WAS: variants seen among roughly 807,000 people sequenced by gnomAD.
WAS encodes the protein WASP actin nucleation promoting factor, also known as actin nucleation-promoting factor WAS.
Under a neutral mutation model 38.9 loss-of-function variants are expected in WAS, and 1 was observed. The ratio of observed to expected loss-of-function variants is 0.03; its 90% CI spans 0.01 to 0.12. The LOEUF (loss-of-function observed/expected upper bound fraction) is 0.12, where lower values mean the gene tolerates loss of function less well. WAS is among the 10% of genes least tolerant of loss of function. The probability of loss-of-function intolerance (pLI) is 1.00; values close to 1 mark genes in which losing one functional copy is unlikely to be tolerated. For synonymous variants in WAS, 182 were observed against 173.6 expected, an observed-to-expected ratio of 1.05 and a Z score of -0.38; for missense variants, 311 against 431.2, an observed-to-expected ratio of 0.72 and a Z score of 2.47.
chrX:48,688,124 C>G, intron 8 of WAS, 28 bp downstream of exon 8: 2 of 1,193,356 alleles, frequency 1.7e-6, no homozygotes, highest in Non-Finnish European at 2.3e-6. Context: ...CTCTTGGACT[C>G]CACTAAACTT....
rs1557006476 is a variant in WAS, at chrX:48,685,574, C to G, written c.301C>G (p.Leu101Val). ...TGGTCGGCTGCTCTGGGAACAGGAG[C>G]TGTACTCACAGCTTGTCTACTCCAC... ...QAGRLLWEQE[L>V]YSQLVYSTPT... Residue 101 changes from leucine (L) to valine (V), a missense_variant, in exon 3 of 12, where the codon CTG (leucine) becomes GTG (valine). Transcript: ENST00000376701. 1 of 1,201,395 alleles carries G rather than the reference C, an allele frequency of 8.3e-7. No homozygotes were observed. The highest frequency in any genetic ancestry group is 3.0e-5 in the East Asian group (1 of 33,148).
At chrX:48,681,806 G>T (rs1385014649), upstream of WAS, among the ~76,000 whole-genome samples, 11 of 111,739 alleles carry the variant, frequency 9.8e-5, no homozygotes, top group African/African-American at 3.6e-4. Flanking sequence ...TGCAGAAGGG[G>T]TTCTGAACCT....
intron 11 of WAS, 101 bp downstream of exon 11, chrX:48,689,535 T>C: frequency 1.4e-6 from 1 of 691,987 alleles, no homozygotes. Flanking sequence ...CAGCCCCATC[T>C]GTTTGACAGC....
chrX:48,680,760 A>G (rs940603204), upstream of WAS, among the ~76,000 whole-genome samples: 1 of 111,902 alleles, frequency 8.9e-6, no homozygotes, highest in Non-Finnish European at 1.9e-5. Context: ...TTAGCATATA[A>G]TTAAGAAATA....
chrX:48,689,696 G>A, intron 11 of WAS: 2 of 334,251 alleles, frequency 6.0e-6, no homozygotes, highest in East Asian at 1.0e-4. Context: ...CACATGTTCA[G>A]TACTATTAAC....
upstream of WAS, among the ~76,000 whole-genome samples, chrX:48,679,460 T>G (rs912616507): frequency 8.9e-6 from 1 of 112,247 alleles, no homozygotes; most frequent in Non-Finnish European, 1.9e-5. Flanking sequence ...TAACGAAATA[T>G]CCACCTTTAA....
rs1440064330 is a variant in WAS at position 48,684,069 on chromosome X, G to GCTCCTCCTTTCCCT, written c.132+89_132+102dup. 1.7e-5 allele frequency: 19 copies of GCTCCTCCTTTCCCT among 1,118,489 alleles called. 1 individual carries two copies. The highest frequency in any genetic ancestry group is 2.3e-5 in the Admixed American group (1 of 43,160). 92.2% of individuals were successfully genotyped at this position (1,118,489 alleles called of 1,213,427 possible). On this transcript the variant is annotated intron_variant, in intron 1 of 11. Transcript: ENST00000376701. ...TCCTTCTCTCTCTTCCCCTCCTCCCGCTCCTCCTTTCCCTCTCCATCATCT... is the reference window on the plus strand; with the variant it reads ...TCCTTCTCTCTCTTCCCCTCCTCCCGCTCCTCCTTTCCCTCTCCTCCTTTCCCTCTCCATCATCT...
At chrX:48,681,924 G>A (rs1569493528), upstream of WAS, among the ~76,000 whole-genome samples, 3 of 111,785 alleles carry the variant, frequency 2.7e-5, no homozygotes, top group African/African-American at 9.8e-5. Context: ...TCAGGTACCT[G>A]GGAATGTCAG....
rs2147262772 is a variant in WAS, at chrX:48,684,299, T to A, written c.149T>A (p.Val50Asp). Residue 50 changes from valine (V) to aspartate (D), a missense_variant, in exon 2 of 12, where the codon GTT (valine) becomes GAT (aspartate). By Grantham distance (152) the Val-to-Asp change is radical (BLOSUM62 -3). Transcript: ENST00000376701. Reference sequence around the variant, plus strand: ...CTCTCCCAGACGCTGGCCACTGCAGTTGTTCAGCTGTACCTGGCGCTGCCC... The same window carrying A: ...CTCTCCCAGACGCTGGCCACTGCAGATGTTCAGCTGTACCTGGCGCTGCCC... Reference protein sequence around the residue: ...GRKCLTLATAVVQLYLALPPG... With the variant: ...GRKCLTLATADVQLYLALPPG... 1 of 1,211,696 alleles carries A rather than the reference T, an allele frequency of 8.3e-7. No individual in the cohort carries two copies. The highest frequency in any genetic ancestry group is 1.1e-6 in the Non-Finnish European group (1 of 895,485).
chrX:48,690,972 G>C, intron 11 of WAS, 135 bp from the exon 12 acceptor site: 1 of 555,828 alleles, frequency 1.8e-6, no homozygotes, highest in Non-Finnish European at 3.2e-6. Flanking sequence ...TCCCTTTCTT[G>C]TCCCAAATGG....
chrX:48,689,711 G>T, intron 11 of WAS: 1 of 232,985 alleles, frequency 4.3e-6, no homozygotes, highest in Non-Finnish European at 7.0e-6. Context: ...ATTAACATCA[G>T]CTGGCCGGCG....
In WAS at chrX:48,688,711, G is replaced by A. The variant is rs781910412; in HGVS notation, c.983G>A (p.Arg328Gln). ...TCTCGAGGAGGGAACCAGCTCCCCC[G>A]GCCCCCTATTGTGGGGGGTAACAAG... Reference protein sequence around the residue: ...PPSRGGNQLPRPPIVGGNKGR... With the variant: ...PPSRGGNQLPQPPIVGGNKGR... Residue 328 changes from arginine (R) to glutamine (Q), a missense_variant, in exon 10 of 12, where the codon CGG becomes CAG. Transcript: ENST00000376701. The A allele has an allele frequency of 3.4e-6, 4 of 1,177,553 alleles. No homozygotes were observed. The highest frequency in any genetic ancestry group is 4.7e-5 in the Admixed American group (2 of 42,717).
Position 48,685,600 on chromosome X carries a change from C to G in WAS, c.327C>G (p.Thr109=), listed in dbSNP as rs1288545461. 3 of 1,201,012 alleles carry G rather than the reference C, an allele frequency of 2.5e-6. No homozygotes were observed. In the East Asian group the frequency reaches 9.0e-5, roughly 36 times the overall value. ...TGTACTCACAGCTTGTCTACTCCAC[C>G]CCCACCCCCTTCTTCCACACCTTCG... The part of the protein sequence containing the change: ...QELYSQLVYS[T]PTPFFHTFAG... The change falls in exon 3 of 12, where the codon ACC becomes ACG. Residue 109 remains threonine, a synonymous_variant. Transcript: ENST00000376701.
intron 1 of WAS, 130 bp downstream of exon 1, chrX:48,684,115 C>T: frequency 9.2e-7 from 1 of 1,087,804 alleles, no homozygotes; most frequent in Non-Finnish European, 1.3e-6. Flanking sequence ...AATTTCCCGT[C>T]ATAATCCACC....
chrX:48,685,882 G>T (rs2062417817), intron 4 of WAS, 46 bp downstream of exon 4: 3 of 1,206,703 alleles, frequency 2.5e-6, no homozygotes, highest in Non-Finnish European at 2.2e-6. Flanking sequence ...AGAGGTGAGT[G>T]CAAGCCTGGG....
chrX:48,679,240 T>C (rs2062396424), upstream of WAS, among the ~76,000 whole-genome samples: 4 of 110,681 alleles, frequency 3.6e-5, no homozygotes, highest in Admixed American at 3.8e-4. Context: ...CCCAGGCTGG[T>C]CTCAAACTCC....
chrX:48,689,371 G>C lies in WAS; in HGVS notation c.1390G>C (p.Glu464Gln). ...GCTGCAGCCACCACCTCAGAGCTCA[G>C]AGGGACTGGTGGGGGCCCTGATGCA... ...SALQPPPQSS[E>Q]GLVGALMHVM... Residue 464 changes from glutamate to glutamine, a missense_variant, in exon 11 of 12, where the codon GAG becomes CAG. Transcript: ENST00000376701. The C allele has an allele frequency of 8.3e-7, 1 of 1,210,196 alleles. No individual in the cohort carries two copies. The highest frequency in any genetic ancestry group is 1.1e-6 in the Non-Finnish European group (1 of 894,975).
intron 11 of WAS, among the ~76,000 whole-genome samples, chrX:48,690,155 C>T (rs925320102): frequency 7.2e-5 from 8 of 111,302 alleles, no homozygotes; most frequent in African/African-American, 2.0e-4. Context: ...AACAGGGTCT[C>T]GCTCTGTGTC....
chrX:48,688,884 C>G lies in WAS; in HGVS notation c.1156C>G (p.Pro386Ala). ...TTCTGGACCACTGCCCCCTCCACCC[C>G]CTGGAGCTGGTGGGCCACCCATGCC... is the stretch of plus-strand genomic sequence containing the variant. ...GRSGPLPPPP[P>A]GAGGPPMPPP... is the part of the protein sequence containing the mutation. The change falls in exon 10 of 12, where the codon CCT becomes GCT. Residue 386 changes from proline to alanine, a missense_variant. Coordinates refer to ENST00000376701, the MANE Select transcript of WAS (RefSeq NM_000377.3). 1.7e-6 allele frequency: 2 copies of G among 1,167,318 alleles called. No individual in the cohort carries two copies. Among genetic ancestry groups the G allele is most frequent in the Non-Finnish European group, 2.3e-6 (2 of 873,027 alleles).
Sources: allele counts gnomAD v4.1 joint callset (sites outside exome capture counted in the v4.1 genomes callset), GRCh38; gene constraint gnomAD v4.1.1; transcripts MANE v1.5; gene names NCBI Gene and HGNC (gene_info 2026-07-23, HGNC 2026-07-21).